MATK: variants seen among roughly 807,000 people sequenced by gnomAD.
MATK encodes the protein megakaryocyte-associated tyrosine-protein kinase.
In MATK, 41 loss-of-function variants were observed where a neutral mutation model predicts 59.8. The observed-to-expected ratio is 0.69, with a 90% confidence interval of 0.53 to 0.89. The LOEUF (loss-of-function observed/expected upper bound fraction) is 0.89. Among genes scored for constraint, MATK ranks in the 40% least tolerant of loss-of-function variants. The pLI is 0.00. For missense variants in MATK, 593 were observed against 719.6 expected (o/e 0.82, Z 2.01); for synonymous variants, 308 against 306.1 (o/e 1.01, Z -0.06).
intron 1 of MATK, among the ~76,000 whole-genome samples, chr19:3,800,072 G>C (rs2145119577): frequency 6.6e-6 from 1 of 151,660 alleles, no homozygotes; most frequent in African/African-American, 2.4e-5. Context: ...AACCCGGGAG[G>C]CGGAGCCTGC....
chr19:3,786,916 G>A (rs2037492167), upstream of MATK, among the ~76,000 whole-genome samples: 1 of 152,036 alleles, frequency 6.6e-6, no homozygotes, highest in African/African-American at 2.4e-5. This position sits in a 1 kb window ranked among gnomAD's most constrained non-coding sequence, Gnocchi z 4.1. Flanking sequence ...GGAGTTGGAG[G>A]GACCTGGCTC....
rs771259700 is a variant in MATK at position 3,784,213 on chromosome 19, G to A, written c.273C>T (p.His91=). 1.2e-6 allele frequency: 2 copies of A among 1,613,542 alleles called. No homozygotes were observed. The highest frequency in any genetic ancestry group is 1.7e-6 in the Non-Finnish European group (2 of 1,179,722). ...CENKSWYRVK[H]HTSGQEGLLA... is the part of the protein sequence containing the mutation. ...GCAGCCCCTCCTGTCCACTGGTGTGGTGCTTGACGCGGTACCAGCTCTTGT... is the reference window on the plus strand; with the variant it reads ...GCAGCCCCTCCTGTCCACTGGTGTGATGCTTGACGCGGTACCAGCTCTTGT... The change falls in exon 5 of 14, where the codon CAC becomes CAT. Residue 91 remains histidine (H), a synonymous_variant. Transcript: ENST00000310132.
intron 10 of MATK, 25 bp downstream of exon 10, chr19:3,779,508 C>CA: frequency 1.2e-6 from 2 of 1,610,934 alleles, no homozygotes; most frequent in African/African-American, 1.3e-5. Context: ...GCGTGGGCCC[C>CA]CTCCCCGCCT....
rs1442682411 is a variant in MATK, at chr19:3,784,833, T to A, written c.124A>T (p.Met42Leu). Reference sequence around the variant, plus strand: ...AGGCTAGACACACTCACCGTTGGCATCCTGGCTGAGACGGGAGGGGGGTGC... The same window carrying A: ...AGGCTAGACACACTCACCGTTGGCAACCTGGCTGAGACGGGAGGGGGGTGC... ...AWHPPPVSAR[M>L]PTRRWAPGTQ... Residue 42 changes from methionine (M) to leucine (L), a missense_variant, in exon 3 of 14, where the codon ATG becomes TTG. Coordinates refer to ENST00000310132, the MANE Select transcript of MATK (RefSeq NM_139355.3). 1.3e-6 allele frequency: 2 copies of A among 1,550,392 alleles called. No individual in the cohort carries two copies. Among genetic ancestry groups the A allele is most frequent in the African/African-American group, 2.8e-5 (2 of 72,546 alleles).
At chr19:3,789,227 C>A, upstream of MATK, 2 of 759,138 alleles carry the variant, frequency 2.6e-6, no homozygotes, top group South Asian at 2.8e-5. Flanking sequence ...AGTGTTAAGT[C>A]AAAATATCTG....
rs1483194250 is a variant in MATK at position 3,785,176 on chromosome 19, A to G, written c.-41T>C. 2.5e-6 allele frequency: 4 copies of G among 1,613,540 alleles called. No homozygotes were observed. The highest frequency in any genetic ancestry group is 1.7e-6 in the Non-Finnish European group (2 of 1,179,850). On this transcript the variant is annotated 5_prime_UTR_variant, in exon 2 of 14. Transcript: ENST00000310132. ...ACTGAGGCAGGTGAGAGGCACACTG[A>G]GCAAGTGGTCACAGTCGGGGACGCT...
upstream of MATK, among the ~76,000 whole-genome samples, chr19:3,788,092 TAATA>T (rs2037505405): frequency 7.4e-6 from 1 of 135,068 alleles, no homozygotes; most frequent in African/African-American, 2.8e-5. Context: ...ATTATATTAT[TAATA>T]TTTATATTAT....
intron 1 of MATK, among the ~76,000 whole-genome samples, chr19:3,791,952 A>G (rs2037546463): frequency 2.0e-5 from 3 of 152,092 alleles, no homozygotes; most frequent in Admixed American, 2.0e-4. Context: ...TACTAAAAAT[A>G]CAAAAATTAG....
Position 3,784,277 on chromosome 19 carries a change from T to G in MATK, c.247-38A>C, listed in dbSNP as rs748329658. 5.0e-6 allele frequency: 8 copies of G among 1,597,474 alleles called. No homozygotes were observed. The South Asian group carries it at 6.7e-5, about 13-fold the overall frequency. On this transcript the variant is annotated intron_variant, in intron 4 of 13. Transcript: ENST00000310132. The stretch of plus-strand genomic sequence containing the variant: ...AAGCACGGGGTTAGTGTGGGGGGTG[T>G]GGGGGTGGTCCTGGTGGAGCCCCCA...
At chr19:3,789,533 C>T, upstream of MATK, 1 of 507,236 alleles carries the variant, frequency 2.0e-6, no homozygotes, top group East Asian at 3.2e-5. Flanking sequence ...ACTTAAGGAG[C>T]TGGTGTTGGG....
chr19:3,796,115 A>G (rs2037592272), intron 1 of MATK, among the ~76,000 whole-genome samples: 1 of 152,094 alleles, frequency 6.6e-6, no homozygotes, highest in Non-Finnish European at 1.5e-5. Flanking sequence ...TAAGCTCTCA[A>G]GAAGTGTTTA....
rs572350749 is a variant in MATK at position 3,785,361 on chromosome 19, G to A, written c.-151-75C>T. 1.6e-5 allele frequency: 17 copies of A among 1,052,840 alleles called. No individual in the cohort carries two copies. In the Admixed American group the frequency reaches 4.4e-4, roughly 27 times the overall value. The allele number at this position is 1,052,840 out of a possible 1,614,324, so 65.2% of individuals were successfully genotyped here. On this transcript the variant is annotated intron_variant, in intron 1 of 13. Transcript: ENST00000310132. ...ATTCCCAAGAATCTCTGACCGTGGG[G>A]TGGAGCTGGGGGCAGGGGCGGGTCC...
intron 1 of MATK, 84 bp from the exon 2 acceptor site, chr19:3,785,370 G>T: frequency 1.0e-6 from 1 of 960,686 alleles, no homozygotes; most frequent in African/African-American, 1.7e-5. Flanking sequence ...GGTGGAGCTG[G>T]GGGCAGGGGC....
Position 3,783,954 on chromosome 19 carries a change from C to G in MATK, c.442G>C (p.Glu148Gln), listed in dbSNP as rs1247361303. The G allele has an allele frequency of 6.2e-7, 1 of 1,612,348 alleles. No individual in the cohort carries two copies. Among genetic ancestry groups the G allele is most frequent in the East Asian group, 2.2e-5 (1 of 44,876 alleles). ...TAGTCGCCGGGGTGGCGCGCGGACTCCCGCACCAGGAACAGCCCATCCTCG... is the reference window on the plus strand; with the variant it reads ...TAGTCGCCGGGGTGGCGCGCGGACTGCCGCACCAGGAACAGCCCATCCTCG... ...PPEDGLFLVR[E>Q]SARHPGDYVL... The change falls in exon 6 of 14, where the codon GAG (glutamate) becomes CAG (glutamine). Residue 148 changes from glutamate to glutamine, a missense_variant. Physicochemically the swap from Glu to Gln is conservative, Grantham distance 29. Coordinates refer to ENST00000310132, the MANE Select transcript of MATK (RefSeq NM_139355.3).
upstream of MATK, among the ~76,000 whole-genome samples, chr19:3,786,596 G>T (rs2037489217): frequency 2.0e-5 from 3 of 151,308 alleles, no homozygotes; most frequent in Admixed American, 2.0e-4. The surrounding 1 kb of genome is among the most constrained non-coding windows in gnomAD (Gnocchi z 4.1). Flanking sequence ...GCGCGGCGGG[G>T]ACCGGGGGTG....
At chr19:3,788,073 A>G (rs1183259648), upstream of MATK, among the ~76,000 whole-genome samples, 2 of 145,102 alleles carry the variant, frequency 1.4e-5, no homozygotes, top group Non-Finnish European at 3.0e-5. Flanking sequence ...AAACCATACT[A>G]TTATATATAT....
chr19:3,779,301 T>C, intron 11 of MATK, 77 bp downstream of exon 11: 1 of 1,580,458 alleles, frequency 6.3e-7, no homozygotes, highest in Non-Finnish European at 8.7e-7. Context: ...GCCCCGTGCC[T>C]CAGTTTCCCC....
At position 3,778,106 on chromosome 19, in the gene MATK, T is replaced by C. The variant is rs2037340759; in HGVS notation, c.*77A>G. On this transcript the variant is annotated 3_prime_UTR_variant, in exon 14 of 14. Transcript: ENST00000310132. ...GATGACTTGCCCGCCTGGACCCTCC[T>C]TGGGCCTGGTCAGTGCCCCCACGCC... The C allele has an allele frequency of 2.7e-6, 4 of 1,493,672 alleles. No homozygotes were observed. The highest frequency in any genetic ancestry group is 1.4e-5 in the African/African-American group (1 of 69,818). 92.5% of individuals were successfully genotyped at this position (1,493,672 alleles called of 1,614,324 possible). A position where few individuals can be genotyped will look rare whatever the true frequency, so the allele number is the denominator to read the frequency against.
chr19:3,779,750 T>G lies in MATK; in HGVS notation c.790A>C (p.Ile264Leu). ...GCCTGGGCTGTCACATCACACTTGA[T>G]ATTCTTCACGGCCACCTTTTGCCCC... Reference protein sequence around the residue: ...YLGQKVAVKNIKCDVTAQAFL... With the variant: ...YLGQKVAVKNLKCDVTAQAFL... Residue 264 changes from isoleucine to leucine, a missense_variant, in exon 9 of 14, where the codon ATC (isoleucine) becomes CTC (leucine). Transcript: ENST00000310132. The G allele has an allele frequency of 6.2e-7, 1 of 1,613,064 alleles. No homozygotes were observed. The highest frequency in any genetic ancestry group is 8.5e-7 in the Non-Finnish European group (1 of 1,179,978).
Sources: gnomAD v4.1 joint callset for allele counts (sites outside exome capture counted in the v4.1 genomes callset) on GRCh38, gnomAD v4.1.1 for gene constraint, Gnocchi (gnomAD v3.1) non-coding constraint, MANE v1.5 for transcripts, NCBI Gene and HGNC (gene_info 2026-07-23, HGNC 2026-07-21) for gene names.